METTL15: variants seen among roughly 807,000 people sequenced by gnomAD.
The protein encoded by METTL15 is methyltransferase 15, mitochondrial 12S rRNA N4-cytidine.
METTL15 carries 34 observed loss-of-function variants against 38.3 expected under a neutral mutation model. The observed-to-expected ratio is 0.89, with a 90% CI of 0.68 to 1.18. The LOEUF (loss-of-function observed/expected upper bound fraction) is 1.18. Ranked by LOEUF, METTL15 falls within the 50% of genes most tolerant of loss-of-function variation. The pLI is 0.00. For synonymous variants in METTL15, 162 were observed against 170.9 expected, an observed-to-expected ratio of 0.95 and a Z score of 0.41; for missense variants, 438 against 498.4, an observed-to-expected ratio of 0.88 and a Z score of 1.15.
chr11:28,232,814 T>G (rs996344198), intron 4 of METTL15, among the ~76,000 whole-genome samples: 42 of 152,128 alleles, frequency 2.8e-4, no homozygotes, highest in African/African-American at 9.9e-4. Flanking sequence ...CTTTTTCTCC[T>G]GGAATCTCAA....
intron 3 of METTL15, among the ~76,000 whole-genome samples, chr11:28,119,167 A>T (rs775607273): frequency 6.6e-6 from 1 of 152,184 alleles, no homozygotes; most frequent in Non-Finnish European, 1.5e-5. Flanking sequence ...ACTTTTCTTC[A>T]TAGCAACTTA....
chr11:28,127,356 T>A (rs1852534882), intron 3 of METTL15, among the ~76,000 whole-genome samples: 1 of 151,992 alleles, frequency 6.6e-6, no homozygotes, highest in African/African-American at 2.4e-5. Flanking sequence ...ACGACTAGGT[T>A]GCTTAAAAAA....
At chr11:28,236,582 G>C (rs1278792114) in intron 4 of METTL15, among the ~76,000 whole-genome samples, 1 of 152,132 alleles carries the variant, frequency 6.6e-6, no homozygotes, top group African/African-American at 2.4e-5. Context: ...CTCATAATTG[G>C]AGCATTTAGT....
chr11:28,213,073 G>A (rs2133844449), intron 4 of METTL15, among the ~76,000 whole-genome samples: 1 of 152,092 alleles, frequency 6.6e-6, no homozygotes, highest in Non-Finnish European at 1.5e-5. Context: ...GACTTTATGG[G>A]GACAGACCTG....
intron 6 of METTL15, among the ~76,000 whole-genome samples, chr11:28,486,690 A>G (rs1851442212): frequency 1.3e-5 from 2 of 152,168 alleles, no homozygotes; most frequent in African/African-American, 4.8e-5. Flanking sequence ...AGCCTGTCTG[A>G]CAGAAAGGAC....
At chr11:28,148,583 G>A (rs1286145747) in intron 3 of METTL15, among the ~76,000 whole-genome samples, 1 of 151,646 alleles carries the variant, frequency 6.6e-6, no homozygotes, top group Non-Finnish European at 1.5e-5. Context: ...TTATAATTTT[G>A]CTTCTCTAGT....
chr11:28,288,845 T>C (rs1856395935), intron 4 of METTL15, among the ~76,000 whole-genome samples: 1 of 152,018 alleles, frequency 6.6e-6, no homozygotes, highest in African/African-American at 2.4e-5. Context: ...TAAAACAAAC[T>C]TCTGTTTCAT....
chr11:28,228,158 A>G (rs1447617157), intron 4 of METTL15, among the ~76,000 whole-genome samples: 1 of 151,856 alleles, frequency 6.6e-6, no homozygotes, highest in East Asian at 1.9e-4. Context: ...ACTTTCGGTA[A>G]TTACCTTTTT....
At chr11:28,119,499 AAC>A (rs1565104530) in intron 3 of METTL15, among the ~76,000 whole-genome samples, 1 of 152,198 alleles carries the variant, frequency 6.6e-6, no homozygotes, top group African/African-American at 2.4e-5. Flanking sequence ...GATCTGAAAA[AAC>A]AGATACAAAG....
chr11:28,366,899 T>C (rs1410794315), intron 5 of METTL15, among the ~76,000 whole-genome samples: 1 of 152,140 alleles, frequency 6.6e-6, no homozygotes, highest in Non-Finnish European at 1.5e-5. Context: ...CACAAATCAG[T>C]TAAGAAGTCA....
intron 5 of METTL15, among the ~76,000 whole-genome samples, chr11:28,411,311 G>A (rs1254967237): frequency 6.6e-6 from 1 of 151,824 alleles, no homozygotes; most frequent in African/African-American, 2.4e-5. Context: ...AAAGTTGGAG[G>A]CATCACATCT....
intron 3 of METTL15, among the ~76,000 whole-genome samples, chr11:28,347,138 T>C (rs543838160): frequency 2.3e-4 from 35 of 152,334 alleles, no homozygotes; most frequent in African/African-American, 8.2e-4. Flanking sequence ...GTGGTGGTAA[T>C]GAGAATGTGC....
At chr11:28,108,705 CCTA>C (rs1455622399) in intron 1 of METTL15, among the ~76,000 whole-genome samples, 1 of 152,162 alleles carries the variant, frequency 6.6e-6, no homozygotes, top group Non-Finnish European at 1.5e-5. Context: ...GACTTCCAGG[CCTA>C]CTCCCATTAG....
At chr11:28,253,843 A>G (rs1590221555) in intron 4 of METTL15, among the ~76,000 whole-genome samples, 1 of 152,110 alleles carries the variant, frequency 6.6e-6, no homozygotes, top group Admixed American at 6.6e-5. Context: ...ATAGTACTCC[A>G]TTGTGTATAA....
intron 3 of METTL15, among the ~76,000 whole-genome samples, chr11:28,207,538 AGG>A (rs1221560865): frequency 4.0e-5 from 6 of 151,882 alleles, no homozygotes; most frequent in Non-Finnish European, 1.5e-5. Context: ...TTTTTGCATC[AGG>A]GTTCATCAAG....
intron 3 of METTL15, among the ~76,000 whole-genome samples, chr11:28,143,459 C>A (rs1485867156): frequency 6.6e-6 from 1 of 152,066 alleles, no homozygotes; most frequent in Non-Finnish European, 1.5e-5. Flanking sequence ...GTGTTCCATT[C>A]TTTTTTCAAA....
chr11:28,466,980 T>C (rs1246089500), intron 6 of METTL15, among the ~76,000 whole-genome samples: 2 of 152,164 alleles, frequency 1.3e-5, no homozygotes, highest in Non-Finnish European at 2.9e-5. Flanking sequence ...AAACCTGGAG[T>C]CCTTTTTGGG....
chr11:28,528,096 TATA>T (rs1935269003), downstream of METTL15, among the ~76,000 whole-genome samples: 2 of 152,226 alleles, frequency 1.3e-5, no homozygotes, highest in Non-Finnish European at 2.9e-5. Flanking sequence ...GCCTATATTA[TATA>T]ATAACTTTTA....
chr11:28,465,283 C>A (rs1455805133), intron 6 of METTL15, among the ~76,000 whole-genome samples: 1 of 152,150 alleles, frequency 6.6e-6, no homozygotes, highest in Admixed American at 6.6e-5. Flanking sequence ...CTTTCTCAGT[C>A]TCCTTGCTCC....
Sources: gnomAD v4.1 joint callset for allele counts (sites outside exome capture counted in the v4.1 genomes callset) on GRCh38, gnomAD v4.1.1 for gene constraint, MANE v1.5 for transcripts, NCBI Gene and HGNC (gene_info 2026-07-23, HGNC 2026-07-21) for gene names.